SYNE2: variants seen among roughly 807,000 people sequenced by gnomAD.
SYNE2 encodes nesprin-2.
A neutral mutation model predicts 856.3 loss-of-function variants in SYNE2; 431 were observed. The ratio of observed to expected loss-of-function variants is 0.50; its 90% CI spans 0.47 to 0.55. The LOEUF (loss-of-function observed/expected upper bound fraction) is 0.55, where lower values mean the gene tolerates loss of function less well. Ranked by LOEUF, SYNE2 falls within the 20% of genes least tolerant of loss-of-function variation. SYNE2 has a pLI of 0.00. For synonymous variants in SYNE2, 2,923 were observed against 2,872.3 expected (o/e 1.02, Z -0.56); for missense variants, 8,129 against 8,023.2 (o/e 1.01, Z -0.50).
intron 84 of SYNE2, among the ~76,000 whole-genome samples, chr14:64,147,999 A>C (rs567239259): frequency 2.0e-4 from 31 of 152,234 alleles, no homozygotes; most frequent in African/African-American, 7.5e-4. Context: ...CCCATTTCTA[A>C]TACTCATTAT....
chr14:64,134,331 A>T, intron 78 of SYNE2, 131 bp downstream of exon 78: 1 of 981,668 alleles, frequency 1.0e-6, no homozygotes, highest in Non-Finnish European at 1.6e-6. Flanking sequence ...CTCACTGTTG[A>T]ATGTATTCAG....
chr14:63,923,355 C>A (rs977850498), intron 2 of SYNE2, among the ~76,000 whole-genome samples: 1 of 152,196 alleles, frequency 6.6e-6, no homozygotes, highest in Admixed American at 6.5e-5. Flanking sequence ...TGTGGCAACA[C>A]GAGGTTGCTG....
chr14:63,815,730 C>T (rs1216075533), intron 1 of SYNE2, among the ~76,000 whole-genome samples: 2 of 152,012 alleles, frequency 1.3e-5, no homozygotes, highest in African/African-American at 4.8e-5. Flanking sequence ...CATAACAACT[C>T]AGGTATGGAC....
chr14:64,081,297 G>A, intron 56 of SYNE2, 146 bp from the exon 57 acceptor site: 2 of 913,456 alleles, frequency 2.2e-6, no homozygotes, highest in Non-Finnish European at 1.8e-6. Flanking sequence ...GCCTAGAGCA[G>A]GTGAATAAGT....
At chr14:63,815,028 C>A (rs1210973733) in intron 1 of SYNE2, among the ~76,000 whole-genome samples, 1 of 128,652 alleles carries the variant, frequency 7.8e-6, no homozygotes, top group Non-Finnish European at 1.7e-5. Flanking sequence ...CCATATATAT[C>A]CATATATACA....
intron 66 of SYNE2, among the ~76,000 whole-genome samples, chr14:64,115,977 C>A (rs2097850994): frequency 6.6e-6 from 1 of 151,942 alleles, no homozygotes; most frequent in African/African-American, 2.4e-5. Context: ...AACATAGTTA[C>A]ACCTTGTCTC....
chr14:63,948,181 A>G (rs1206797826), intron 6 of SYNE2, among the ~76,000 whole-genome samples: 1 of 151,872 alleles, frequency 6.6e-6, no homozygotes, highest in Non-Finnish European at 1.5e-5. Context: ...ACACACACAC[A>G]CACACACACA....
intron 1 of SYNE2, among the ~76,000 whole-genome samples, chr14:63,855,848 C>T: frequency 6.6e-6 from 1 of 152,160 alleles, no homozygotes; most frequent in Admixed American, 6.5e-5. Flanking sequence ...ATAGCAGGTC[C>T]TCAATAACTT....
chr14:63,854,631 A>C (rs1239461815), intron 1 of SYNE2, among the ~76,000 whole-genome samples: 1 of 152,254 alleles, frequency 6.6e-6, no homozygotes, highest in East Asian at 1.9e-4. Flanking sequence ...CTTTGTCCAC[A>C]TGTTTGAATT....
At position 63,876,345 on chromosome 14, in the gene SYNE2, A is replaced by G. The variant is rs1410364679; in HGVS notation, c.-52+23202A>G. Among the ~76,000 whole-genome samples the G allele has an allele frequency of 3.3e-5, 5 of 151,986 alleles. No individual in the cohort carries two copies. In the South Asian group the frequency reaches 1.0e-3, roughly 32 times the overall value. On this transcript the variant is annotated intron_variant, in intron 1 of 115. Coordinates refer to ENST00000555002, the MANE Select transcript of SYNE2 (RefSeq NM_182914.3). ...GGTGGAGCCAGAAGTTCAAGGCTGTAGTAAGCTATGATCATACTGCTAAAC... is the reference window on the plus strand; with the variant it reads ...GGTGGAGCCAGAAGTTCAAGGCTGTGGTAAGCTATGATCATACTGCTAAAC...
Position 63,990,574 on chromosome 14 carries a change from C to G in SYNE2, c.2472+5C>G, listed in dbSNP as rs537534571. On this transcript the variant is annotated splice_donor_5th_base_variant and intron_variant, in intron 20 of 115. Coordinates refer to ENST00000555002, the MANE Select transcript of SYNE2 (RefSeq NM_182914.3). ...GAAGCTAAAGAGAAAGTCCAGGTCT[C>G]TCTTTAATATTCCCTATTTAGTAAT... 1 of 1,613,474 alleles carries G rather than the reference C, an allele frequency of 6.2e-7. No homozygotes were observed. The highest frequency in any genetic ancestry group is 1.3e-5 in the African/African-American group (1 of 75,006).
chr14:64,209,968 G>A lies in SYNE2; in HGVS notation c.18567G>A (p.Arg6189=). Residue 6189 remains arginine (R), a synonymous_variant, in exon 103 of 116, where the codon CGG becomes CGA. Transcript: ENST00000555002. The stretch of plus-strand genomic sequence containing the variant: ...CCTTTCAGCGGCAGATTCATGAGCG[G>A]CTCACTCAGCTGGAGCTCATCAACA... ...FEAFQRQIHE[R]LTQLELINKQ... The A allele has an allele frequency of 6.2e-7, 1 of 1,614,102 alleles. No homozygotes were observed. Among genetic ancestry groups the A allele is most frequent in the Non-Finnish European group, 8.5e-7 (1 of 1,180,028 alleles).
chr14:63,974,983 T>C (rs2096530687), intron 11 of SYNE2, among the ~76,000 whole-genome samples: 1 of 147,710 alleles, frequency 6.8e-6, no homozygotes, highest in African/African-American at 2.5e-5. Flanking sequence ...CTTGGCTCAC[T>C]GCAACCTCCG....
At chr14:64,165,699 A>G (rs187888742) in intron 90 of SYNE2, among the ~76,000 whole-genome samples, 1 of 152,144 alleles carries the variant, frequency 6.6e-6, no homozygotes, top group African/African-American at 2.4e-5. Flanking sequence ...TTTTTAGTAG[A>G]GATGAAGTTT....
intron 63 of SYNE2, among the ~76,000 whole-genome samples, chr14:64,101,160 T>A (rs1006376964): frequency 6.6e-6 from 1 of 152,198 alleles, no homozygotes; most frequent in Non-Finnish European, 1.5e-5. Context: ...TTCCTTTGGA[T>A]ATGTACTCAG....
At chr14:64,093,681 C>T (rs567556910) in intron 61 of SYNE2, among the ~76,000 whole-genome samples, 1 of 152,142 alleles carries the variant, frequency 6.6e-6, no homozygotes, top group African/African-American at 2.4e-5. Flanking sequence ...ATTATCATTA[C>T]TAAAAAGTGA....
chr14:64,128,586 A>C (rs1416687363), intron 74 of SYNE2, 33 bp downstream of exon 74: 2 of 1,315,930 alleles, frequency 1.5e-6, no homozygotes, highest in Non-Finnish European at 2.2e-6. Flanking sequence ...GACTGACTTA[A>C]CTTTGAACCA....
intron 114 of SYNE2, 156 bp from the exon 115 acceptor site, chr14:64,224,843 G>A: frequency 1.3e-6 from 1 of 762,994 alleles, no homozygotes; most frequent in Non-Finnish European, 2.3e-6. Context: ...TACTTCAGGT[G>A]ACGTTTAATC....
intron 14 of SYNE2, among the ~76,000 whole-genome samples, chr14:63,979,269 G>A (rs1330514799): frequency 6.6e-6 from 1 of 152,160 alleles, no homozygotes; most frequent in Admixed American, 6.5e-5. Flanking sequence ...GTCTATTAAT[G>A]TAATATAAAA....
Sources: allele counts gnomAD v4.1 joint callset (sites outside exome capture counted in the v4.1 genomes callset), GRCh38; gene constraint gnomAD v4.1.1; transcripts MANE v1.5; gene names NCBI Gene and HGNC (gene_info 2026-07-23, HGNC 2026-07-21).